Variants in ATAD2B observed in about 807,000 individuals in gnomAD.
The protein encoded by ATAD2B is ATPase family AAA domain containing 2B, also known as ATPase family AAA domain-containing protein 2B.
Under a neutral mutation model 167.6 loss-of-function variants are expected in ATAD2B, and 40 were observed. The observed-to-expected ratio is 0.24, with a 90% CI of 0.19 to 0.31. The LOEUF (loss-of-function observed/expected upper bound fraction) is 0.31, where lower values mean the gene tolerates loss of function less well. Among genes scored for constraint, ATAD2B ranks in the 10% least tolerant of loss-of-function variants. The probability of loss-of-function intolerance (pLI) is 1.00; values close to 1 mark genes in which losing one functional copy is unlikely to be tolerated. For synonymous variants in ATAD2B, 579 were observed against 596.5 expected (o/e 0.97, Z 0.43); for missense variants, 1,242 against 1,757.2 (o/e 0.71, Z 5.24).
At chr2:23,834,116 A>C in intron 13 of ATAD2B, 38 bp from the exon 14 acceptor site, 1 of 1,276,884 alleles carries the variant, frequency 7.8e-7, no homozygotes, top group Non-Finnish European at 1.1e-6. Flanking sequence ...AAAGAATTGT[A>C]AACACTGCTG....
In ATAD2B at chr2:23,895,830, A is replaced by G. The variant is rs769431647; in HGVS notation, c.357T>C (p.Thr119=). 1 of 1,610,124 alleles carries G rather than the reference A, an allele frequency of 6.2e-7. No individual in the cohort carries two copies. The highest frequency in any genetic ancestry group is 1.1e-5 in the South Asian group (1 of 90,656). ...TGQREEWNLS[T]GQARLTSQPG... is the part of the protein sequence containing the mutation. ...TTCTCCTTTCTCACCTGGCCTGTCC[A>G]GTTGATAAGTTCCATTCCTCTCGCT... Residue 119 remains threonine, a synonymous_variant, in exon 2 of 28, where the codon ACT becomes ACC. Transcript: ENST00000238789.
chr2:23,799,482 AG>A (rs1553392780), intron 18 of ATAD2B, among the ~76,000 whole-genome samples: 1 of 149,796 alleles, frequency 6.7e-6, no homozygotes, highest in Non-Finnish European at 1.5e-5. Context: ...CTGAGGCAGG[AG>A]AATCACTTGA....
the ATAD2B span, among the ~76,000 whole-genome samples, chr2:23,737,243 C>T: frequency 1.3e-5 from 2 of 152,220 alleles, no homozygotes; most frequent in Non-Finnish European, 2.9e-5. Flanking sequence ...AACGGGCAGA[C>T]TGCCTCCTCA....
chr2:23,835,768 T>C (rs1313080496), intron 13 of ATAD2B, among the ~76,000 whole-genome samples: 2 of 152,050 alleles, frequency 1.3e-5, no homozygotes, highest in African/African-American at 4.8e-5. Context: ...AAACCTCATC[T>C]CTACTAAAAA....
At chr2:23,693,889 C>T in the ATAD2B span, among the ~76,000 whole-genome samples, 170 of 152,296 alleles carry the variant, frequency 1.1e-3, 1 homozygote, top group African/African-American at 3.8e-3. Context: ...CAAATGGAAA[C>T]CCCTGCATGC....
chr2:23,776,031 G>A lies in ATAD2B; in HGVS notation c.3133+6838C>T, dbSNP rs1205116900. Among the ~76,000 whole-genome samples the A allele has an allele frequency of 6.6e-5, 10 of 152,116 alleles. No homozygotes were observed. The South Asian group carries it at 8.3e-4, about 13-fold the overall frequency. The stretch of plus-strand genomic sequence containing the variant: ...CTGGGGAGGCTGAGGCAGGAGAATC[G>A]CATGAACCCGAGAGACGGAGGTTGC... On this transcript the variant is annotated intron_variant, in intron 22 of 27. Transcript: ENST00000238789.
At chr2:23,833,124 C>A (rs931091268) in intron 14 of ATAD2B, among the ~76,000 whole-genome samples, 2 of 152,094 alleles carry the variant, frequency 1.3e-5, no homozygotes, top group Admixed American at 1.3e-4. Context: ...TGATGTCAAA[C>A]TGAGGTATGA....
intron 17 of ATAD2B, among the ~76,000 whole-genome samples, chr2:23,817,984 A>G (rs956171439): frequency 1.2e-4 from 18 of 152,108 alleles, no homozygotes; most frequent in African/African-American, 3.9e-4. Flanking sequence ...GACGACAATT[A>G]TCTTATAAAA....
At chr2:23,724,887 C>CA in the ATAD2B span, among the ~76,000 whole-genome samples, 5 of 151,752 alleles carry the variant, frequency 3.3e-5, no homozygotes. Flanking sequence ...ACTAAAAATA[C>CA]AAAAAATTAG....
chr2:23,734,127 T>G, the ATAD2B span, among the ~76,000 whole-genome samples: 1 of 152,200 alleles, frequency 6.6e-6, no homozygotes, highest in Admixed American at 6.5e-5. Context: ...TTCACATTGC[T>G]ATAAGAGAAT....
Position 23,788,496 on chromosome 2 carries a change from G to T in ATAD2B, c.2776+16C>A. The T allele has an allele frequency of 1.2e-6, 2 of 1,610,792 alleles. No individual in the cohort carries two copies. Among genetic ancestry groups the T allele is most frequent in the East Asian group, 4.5e-5 (2 of 44,836 alleles). On this transcript the variant is annotated intron_variant, in intron 20 of 27. Coordinates refer to ENST00000238789, the MANE Select transcript of ATAD2B (RefSeq NM_017552.4). Reference sequence around the variant, plus strand: ...CTCCATCCCTCCCATTTTCCTAAAGGCTTTACAAACTTTACCAGCATGTTT... The same window carrying T: ...CTCCATCCCTCCCATTTTCCTAAAGTCTTTACAAACTTTACCAGCATGTTT...
chr2:23,886,160 G>C (rs557879489), intron 4 of ATAD2B, among the ~76,000 whole-genome samples: 2 of 151,904 alleles, frequency 1.3e-5, no homozygotes, highest in Admixed American at 1.3e-4. Flanking sequence ...TGCCCAGGCT[G>C]TTCTTGAACT....
At chr2:23,879,547 T>C (rs1224893213) in intron 7 of ATAD2B, among the ~76,000 whole-genome samples, 3 of 152,156 alleles carry the variant, frequency 2.0e-5, no homozygotes, top group South Asian at 2.1e-4. Flanking sequence ...TTTGAGGCTG[T>C]AGTGTATTAT....
intron 17 of ATAD2B, chr2:23,811,398 G>T (rs534751606): frequency 1.3e-5 from 2 of 152,416 alleles, no homozygotes; most frequent in South Asian, 4.1e-4. Context: ...AGAGGAAGCA[G>T]CGGTCAAGGC....
At chr2:23,842,718 C>A (rs1005969944) in intron 13 of ATAD2B, among the ~76,000 whole-genome samples, 1 of 152,098 alleles carries the variant, frequency 6.6e-6, no homozygotes, top group African/African-American at 2.4e-5. Context: ...AGTAAGGACA[C>A]CCCAAACTCA....
At chr2:23,856,870 A>C (rs1207691712) in intron 13 of ATAD2B, among the ~76,000 whole-genome samples, 1 of 151,982 alleles carries the variant, frequency 6.6e-6, no homozygotes, top group Non-Finnish European at 1.5e-5. Flanking sequence ...TAAAAAAAAA[A>C]ACCAAAAAAT....
At chr2:23,809,066 C>T (rs1685112236) in intron 18 of ATAD2B, 1 of 152,080 alleles carries the variant, frequency 6.6e-6, no homozygotes. Context: ...TAGATTCTCT[C>T]TTCTCTGGGG....
At chr2:23,782,149 T>C (rs995484171) in intron 22 of ATAD2B, among the ~76,000 whole-genome samples, 1 of 152,188 alleles carries the variant, frequency 6.6e-6, no homozygotes. Context: ...ACAGCTTTAT[T>C]AGCCTTGCTC....
At chr2:23,728,200 A>G in the ATAD2B span, among the ~76,000 whole-genome samples, 2 of 152,120 alleles carry the variant, frequency 1.3e-5, no homozygotes, top group African/African-American at 4.8e-5. Context: ...GTTATGTTCA[A>G]TTTTTCTGTA....
Sources: allele counts gnomAD v4.1 joint callset (sites outside exome capture counted in the v4.1 genomes callset), GRCh38; gene constraint gnomAD v4.1.1; transcripts MANE v1.5; gene names NCBI Gene and HGNC (gene_info 2026-07-23, HGNC 2026-07-21).